EFR3B: variants seen among roughly 807,000 people sequenced by gnomAD.
EFR3B encodes the protein EFR3 homolog B.
Under a neutral mutation model 104.7 loss-of-function variants are expected in EFR3B, and 64 were observed. That is an observed-to-expected ratio of 0.61 (90% CI 0.50 to 0.75). EFR3B has a LOEUF of 0.75. EFR3B is among the 30% of genes least tolerant of loss of function. The probability of loss-of-function intolerance (pLI) is 0.00; values close to 1 mark genes in which losing one functional copy is unlikely to be tolerated. For synonymous variants in EFR3B, 385 were observed against 417.9 expected (o/e 0.92, Z 0.96); for missense variants, 750 against 1,078.5 (o/e 0.70, Z 4.27).
chr2:25,099,793 A>G (rs923879516), intron 3 of EFR3B, among the ~76,000 whole-genome samples: 4 of 151,318 alleles, frequency 2.6e-5, no homozygotes, highest in African/African-American at 9.7e-5. Flanking sequence ...TGGAGCCTTG[A>G]GTTGTAGCCT....
At chr2:25,081,275 T>G in intron 1 of EFR3B, 1 of 1,053,734 alleles carries the variant, frequency 9.5e-7, no homozygotes. Flanking sequence ...CAAATGTTCC[T>G]TTTCCTCGAC....
intron 1 of EFR3B, among the ~76,000 whole-genome samples, chr2:25,048,658 AAG>A (rs997473877): frequency 2.0e-5 from 3 of 152,210 alleles, no homozygotes; most frequent in African/African-American, 7.2e-5. Flanking sequence ...ATAAAATAAC[AAG>A]AGTTACACTA....
chr2:25,079,821 A>AAG (rs71397466), intron 1 of EFR3B: 1 of 776,016 alleles, frequency 1.3e-6, no homozygotes, highest in Non-Finnish European at 2.3e-6. Context: ...CACACACCAA[A>AAG]AAGAACAATA....
intron 5 of EFR3B, among the ~76,000 whole-genome samples, chr2:25,124,663 C>T (rs936157797): frequency 1.3e-5 from 2 of 149,632 alleles, no homozygotes; most frequent in African/African-American, 4.9e-5. Context: ...TTGTGTAAAC[C>T]CGGAGGCAGA....
At chr2:25,089,614 C>T (rs1379700225) in intron 1 of EFR3B, among the ~76,000 whole-genome samples, 1 of 152,122 alleles carries the variant, frequency 6.6e-6, no homozygotes, top group Non-Finnish European at 1.5e-5. Flanking sequence ...AGGTTTAAAC[C>T]CTGGGCTTCC....
Position 25,153,801 on chromosome 2 carries a change from G to A in EFR3B, c.2348+40G>A, listed in dbSNP as rs759054019. 2.6e-6 allele frequency: 4 copies of A among 1,547,994 alleles called. No individual in the cohort carries two copies. The South Asian group carries it at 3.6e-5, about 14-fold the overall frequency. ...TGGGCAGGGGACCCTGACCTCCGTG[G>A]CCCAGTATTGGGGTTCCTCATCCTG... On this transcript the variant is annotated intron_variant, in intron 22 of 22. Coordinates refer to ENST00000403714, the MANE Select transcript of EFR3B (RefSeq NM_014971.2).
chr2:25,141,312 T>A, intron 16 of EFR3B, 54 bp from the exon 17 acceptor site: 1 of 1,535,802 alleles, frequency 6.5e-7, no homozygotes, highest in East Asian at 2.5e-5. Flanking sequence ...TCGTTGCCTG[T>A]GAGCTCCCTC....
At chr2:25,085,825 G>C (rs563697975) in intron 1 of EFR3B, among the ~76,000 whole-genome samples, 1 of 150,706 alleles carries the variant, frequency 6.6e-6, no homozygotes, top group Non-Finnish European at 1.5e-5. Flanking sequence ...CTATGAATCT[G>C]GGATGGGGGA....
intron 5 of EFR3B, among the ~76,000 whole-genome samples, chr2:25,123,746 G>C (rs1480261580): frequency 6.6e-6 from 1 of 152,246 alleles, no homozygotes; most frequent in African/African-American, 2.4e-5. Flanking sequence ...CTGCCAAGCT[G>C]TCCCAGGGTG....
intron 4 of EFR3B, among the ~76,000 whole-genome samples, chr2:25,110,272 T>C (rs1463585152): frequency 6.6e-6 from 1 of 152,138 alleles, no homozygotes; most frequent in Non-Finnish European, 1.5e-5. Context: ...CGGCCTTCTC[T>C]ACCCTAATGC....
chr2:25,079,965 A>C, intron 1 of EFR3B: 1 of 1,163,618 alleles, frequency 8.6e-7, no homozygotes, highest in Non-Finnish European at 1.3e-6. Context: ...TGTTTCAGAG[A>C]GCCTTCTGAA....
chr2:25,060,539 G>C (rs1341292914), intron 1 of EFR3B, among the ~76,000 whole-genome samples: 3 of 152,124 alleles, frequency 2.0e-5, no homozygotes, highest in Non-Finnish European at 2.9e-5. Context: ...CTGGAGGGAT[G>C]ATTATCAAAA....
Position 25,103,643 on chromosome 2 carries a change from G to A in EFR3B, c.219G>A (p.Val73=), listed in dbSNP as rs1459370487. The change falls in exon 4 of 23, where the codon GTG becomes GTA. Residue 73 remains valine (V), a synonymous_variant. Coordinates refer to ENST00000403714, the MANE Select transcript of EFR3B (RefSeq NM_014971.2). ...CATGTGCTGCCCTCCCCAGGTACGT[G>A]TGCATTGCTATGGAGGCTTTGGACC... ...RDVGRHRYGY[V]CIAMEALDQL... 2 of 1,550,668 alleles carry A rather than the reference G, an allele frequency of 1.3e-6. No individual in the cohort carries two copies. The highest frequency in any genetic ancestry group is 1.7e-6 in the Non-Finnish European group (2 of 1,146,230).
intron 1 of EFR3B, among the ~76,000 whole-genome samples, chr2:25,055,049 C>T (rs1667981212): frequency 6.6e-6 from 1 of 152,228 alleles, no homozygotes; most frequent in African/African-American, 2.4e-5. Flanking sequence ...TTCATTATCT[C>T]AATTCAGGAG....
Position 25,156,912 on chromosome 2 carries a change from T to C in EFR3B, c.*2572T>C, listed in dbSNP as rs1671184620. On this transcript the variant is annotated 3_prime_UTR_variant, in exon 23 of 23. Coordinates refer to ENST00000403714, the MANE Select transcript of EFR3B (RefSeq NM_014971.2). ...CTTGGATGAGAGACCCACTGTTTCT[T>C]GTGCCTACTTAACATTAGGGTTCCC... The C allele has an allele frequency of 6.6e-6, 1 of 152,238 alleles. No individual in the cohort carries two copies. The allele number at this position is 152,238 out of a possible 1,614,324, so 9.4% of individuals were successfully genotyped here.
chr2:25,065,245 G>GTCA (rs1219938704), intron 1 of EFR3B, among the ~76,000 whole-genome samples: 2 of 151,932 alleles, frequency 1.3e-5, no homozygotes, highest in Non-Finnish European at 2.9e-5. Context: ...CAGTGGCACA[G>GTCA]TCATAGCTCA....
chr2:25,090,283 T>A (rs1025332907), intron 1 of EFR3B, among the ~76,000 whole-genome samples: 1 of 152,192 alleles, frequency 6.6e-6, no homozygotes, highest in East Asian at 1.9e-4. Flanking sequence ...TCCTCCTCCA[T>A]GCCCGCCCGC....
intron 4 of EFR3B, among the ~76,000 whole-genome samples, chr2:25,113,454 G>A (rs1440424974): frequency 2.0e-5 from 3 of 152,120 alleles, no homozygotes; most frequent in Non-Finnish European, 4.4e-5. Flanking sequence ...TGACCTTGTG[G>A]TCAGCAGATC....
At chr2:25,080,756 G>A in intron 1 of EFR3B, 2 of 1,282,008 alleles carry the variant, frequency 1.6e-6, no homozygotes, top group Non-Finnish European at 2.2e-6. Flanking sequence ...ATTTTCTTTT[G>A]GCGTTAGGCT....
Sources: allele counts gnomAD v4.1 joint callset (sites outside exome capture counted in the v4.1 genomes callset), GRCh38; gene constraint gnomAD v4.1.1; transcripts MANE v1.5; gene names NCBI Gene and HGNC (gene_info 2026-07-23, HGNC 2026-07-21).